Variants in TCHP observed in about 807,000 individuals in gnomAD.
TCHP encodes trichoplein keratin filament binding.
In TCHP, 81 loss-of-function variants were observed where a neutral mutation model predicts 88.7. The ratio of observed to expected loss-of-function variants is 0.91; its 90% CI spans 0.76 to 1.10. TCHP has a LOEUF of 1.10. Ranked by LOEUF, TCHP falls within the 50% of genes least tolerant of loss-of-function variation. The pLI is 0.00. For synonymous variants in TCHP, 232 were observed against 232.5 expected, an observed-to-expected ratio of 1.00 and a Z score of 0.02; for missense variants, 641 against 632.1, an observed-to-expected ratio of 1.01 and a Z score of -0.15.
At chr12:109,885,626 C>T in the TCHP span, among the ~76,000 whole-genome samples, 27 of 152,030 alleles carry the variant, frequency 1.8e-4, no homozygotes, top group East Asian at 4.1e-3. Flanking sequence ...GGACTACAGG[C>T]GCTCACCATC....
the TCHP span, among the ~76,000 whole-genome samples, chr12:109,889,397 C>G: frequency 6.6e-6 from 1 of 151,526 alleles, no homozygotes; most frequent in African/African-American, 2.4e-5. Context: ...GGCATGAACC[C>G]AGGAGGCAGA....
chr12:109,912,381 G>A (rs1870555253), intron 9 of TCHP, among the ~76,000 whole-genome samples: 1 of 152,224 alleles, frequency 6.6e-6, no homozygotes, highest in South Asian at 2.1e-4. Context: ...GGCACAGGCA[G>A]CGCCCTCCTC....
chr12:109,895,386 A>T (rs1023470275), upstream of TCHP, among the ~76,000 whole-genome samples: 1 of 151,588 alleles, frequency 6.6e-6, no homozygotes, highest in Admixed American at 6.6e-5. Context: ...ATAAAAAAAA[A>T]AATTTGGGTG....
In TCHP at chr12:109,915,543, T is replaced by C. The variant is rs1488260402; in HGVS notation, c.1461T>C (p.Pro487=). 3 of 1,611,710 alleles carry C rather than the reference T, an allele frequency of 1.9e-6. No individual in the cohort carries two copies. Among genetic ancestry groups the C allele is most frequent in the Non-Finnish European group, 2.5e-6 (3 of 1,178,620 alleles). The change falls in exon 12 of 13, where the codon CCT becomes CCC. Residue 487 remains proline, a synonymous_variant. Transcript: ENST00000405876. The part of the protein sequence containing the change: ...AETMAEQGYR[P]KPYGHPKIAW... ...CTATGGCTGAGCAGGGCTACCGGCC[T>C]AAGGTAGGAAGTCTGCCAGGATATA... is the stretch of plus-strand genomic sequence containing the variant.
chr12:109,896,173 C>T (rs1253056577), upstream of TCHP, among the ~76,000 whole-genome samples: 2 of 152,174 alleles, frequency 1.3e-5, no homozygotes, highest in Non-Finnish European at 2.9e-5. Context: ...TCTCGAACTC[C>T]TGACCTCAAG....
rs775970546 is a variant in TCHP at position 109,903,190 on chromosome 12, G to A, written c.164G>A (p.Ser55Asn). Residue 55 changes from serine to asparagine, a missense_variant, in exon 2 of 13, where the codon AGC becomes AAC. Coordinates refer to ENST00000405876, the MANE Select transcript of TCHP (RefSeq NM_001143852.2). This position sits in a 1 kb window ranked among gnomAD's most constrained non-coding sequence, Gnocchi z 4.6. ...TGCAGCTCCAAACAGGCAGAATGGA[G>A]CTCTAAAACCTCCTACCAGCGGAGG... ...DICSSKQAEW[S>N]SKTSYQRSMH... 3 of 1,612,986 alleles carry A rather than the reference G, an allele frequency of 1.9e-6. No homozygotes were observed. Among genetic ancestry groups the A allele is most frequent in the East Asian group, 2.2e-5 (1 of 44,890 alleles).
At chr12:109,913,972 A>G (rs750077483) in intron 10 of TCHP, among the ~76,000 whole-genome samples, 5 of 152,062 alleles carry the variant, frequency 3.3e-5, no homozygotes, top group Non-Finnish European at 5.9e-5. Context: ...GCTGGAGTTC[A>G]GATGTCACAC....
chr12:109,904,681 A>G (rs898856516), intron 3 of TCHP, 56 bp from the exon 4 acceptor site: 158 of 1,556,156 alleles, frequency 1.0e-4, no homozygotes, highest in Non-Finnish European at 1.2e-4. Flanking sequence ...GTCATCCAAA[A>G]TGTGAATGGA....
chr12:109,897,499 G>A (rs1301801619), upstream of TCHP, among the ~76,000 whole-genome samples: 1 of 152,050 alleles, frequency 6.6e-6, no homozygotes, highest in Non-Finnish European at 1.5e-5. Flanking sequence ...CACAAAATCA[G>A]GATCAGGTCT....
Position 109,906,642 on chromosome 12 carries a change from T to C in TCHP, c.525+2T>C. ...ATGCAGAAAGAAGAAAAAAAACAGG[T>C]GTGGTATGTGGCTCTGGGAATAGCC... On this transcript the variant is annotated splice_donor_variant, in intron 5 of 12. Transcript: ENST00000405876. LOFTEE classifies it high-confidence loss of function. 2 of 1,605,056 alleles carry C rather than the reference T, an allele frequency of 1.2e-6. No individual in the cohort carries two copies. Among genetic ancestry groups the C allele is most frequent in the Non-Finnish European group, 1.7e-6 (2 of 1,179,310 alleles).
At chr12:109,885,739 G>C in the TCHP span, among the ~76,000 whole-genome samples, 4 of 151,144 alleles carry the variant, frequency 2.6e-5, no homozygotes, top group South Asian at 2.1e-4. Context: ...CCTCGGCCTC[G>C]CAAAGTACTG....
At chr12:109,896,166 C>T (rs910111606), upstream of TCHP, among the ~76,000 whole-genome samples, 11 of 152,126 alleles carry the variant, frequency 7.2e-5, no homozygotes, top group African/African-American at 2.2e-4. Context: ...AGGCTGGTCT[C>T]GAACTCCTGA....
intron 3 of TCHP, 92 bp downstream of exon 3, chr12:109,904,239 G>C: frequency 8.4e-7 from 1 of 1,188,814 alleles, no homozygotes; most frequent in Non-Finnish European, 1.2e-6. Context: ...GGGTGCTCAG[G>C]TCTGATGAGA....
chr12:109,914,668 G>A (rs1198340817), intron 11 of TCHP, 41 bp downstream of exon 11: 1 of 1,551,524 alleles, frequency 6.4e-7, no homozygotes, highest in Non-Finnish European at 8.8e-7. Flanking sequence ...GGGCCTGCCA[G>A]GTTCTCTGCA....
intron 7 of TCHP, 55 bp downstream of exon 7, chr12:109,908,753 T>C: frequency 6.4e-7 from 1 of 1,562,316 alleles, no homozygotes; most frequent in Non-Finnish European, 8.7e-7. Flanking sequence ...TCTTGCTTTT[T>C]CAGACTTGCA....
chr12:109,904,954 T>C, intron 4 of TCHP, 161 bp downstream of exon 4: 2 of 622,620 alleles, frequency 3.2e-6, no homozygotes, highest in South Asian at 2.0e-5. Flanking sequence ...CAGGCTGCGC[T>C]GAGCGGCTCA....
In TCHP at chr12:109,903,156, T is replaced by C. The variant is rs202208566; in HGVS notation, c.130T>C (p.Ser44Pro). ...WEQNSRYFRM[S>P]DICSSKQAEW... ...GCAGAACAGCCGTTACTTCAGGATG[T>C]CTGACATCTGCAGCTCCAAACAGGC... Residue 44 changes from serine (S) to proline (P), a missense_variant, in exon 2 of 13, where the codon TCT becomes CCT. Physicochemically the swap from Ser to Pro is moderately conservative, Grantham distance 74. Coordinates refer to ENST00000405876, the MANE Select transcript of TCHP (RefSeq NM_001143852.2). This position sits in a 1 kb window ranked among gnomAD's most constrained non-coding sequence, Gnocchi z 4.6. 1.3e-4 allele frequency: 214 copies of C among 1,613,990 alleles called. 1 individual carries two copies. In the Admixed American group the frequency reaches 3.4e-3, roughly 26 times the overall value.
the TCHP span, among the ~76,000 whole-genome samples, chr12:109,892,715 G>A: frequency 2.0e-5 from 3 of 152,092 alleles, no homozygotes; most frequent in Non-Finnish European, 2.9e-5. Context: ...GAATTGGTGC[G>A]GGATTTGGGA....
In TCHP at chr12:109,915,130, T is replaced by C. The variant is rs529043150; in HGVS notation, c.1321-273T>C. 24 of 552,130 alleles carry C rather than the reference T, an allele frequency of 4.3e-5. No homozygotes were observed. The African/African-American group carries it at 4.4e-4, about 10-fold the overall frequency. The allele number at this position is 552,130 out of a possible 1,614,324, so 34.2% of individuals were successfully genotyped here. A position where few individuals can be genotyped will look rare whatever the true frequency, so the allele number is the denominator to read the frequency against. On this transcript the variant is annotated intron_variant, in intron 11 of 12. Transcript: ENST00000405876. ...ACACAATGCATACAGCCTCTCCAGC[T>C]TTCCACGAGGTACACGCCACGCATA... is the stretch of plus-strand genomic sequence containing the variant.
Sources: allele counts gnomAD v4.1 joint callset (sites outside exome capture counted in the v4.1 genomes callset), GRCh38; gene constraint gnomAD v4.1.1; non-coding constraint Gnocchi (gnomAD v3.1); transcripts MANE v1.5; gene names NCBI Gene and HGNC (gene_info 2026-07-23, HGNC 2026-07-21).